EBF3: variants seen among roughly 807,000 people sequenced by gnomAD.
EBF3 encodes EBF transcription factor 3.
In EBF3, 18 loss-of-function variants were observed where a neutral mutation model predicts 77.1. The observed-to-expected ratio is 0.23, with a 90% CI of 0.16 to 0.35. The LOEUF is 0.35. Ranked by LOEUF, EBF3 falls within the 10% of genes least tolerant of loss-of-function variation. EBF3 has a pLI of 1.00. For missense variants in EBF3, 558 were observed against 860.0 expected, an observed-to-expected ratio of 0.65 and a Z score of 4.39; for synonymous variants, 350 against 343.5, an observed-to-expected ratio of 1.02 and a Z score of -0.21.
chr10:129,906,156 G>A (rs1855129709), intron 6 of EBF3, among the ~76,000 whole-genome samples: 2 of 152,236 alleles, frequency 1.3e-5, no homozygotes, highest in African/African-American at 2.4e-5. Context: ...TCGATAGGGA[G>A]TGACAGTTGA....
At chr10:129,886,430 T>C (rs1853589920) in intron 6 of EBF3, among the ~76,000 whole-genome samples, 1 of 152,186 alleles carries the variant, frequency 6.6e-6, no homozygotes, top group African/African-American at 2.4e-5. Flanking sequence ...AAGAGAAATG[T>C]GTGTACAGGT....
chr10:129,836,799 A>G lies in EBF3; in HGVS notation c.*1144T>C, dbSNP rs1384784827. On this transcript the variant is annotated 3_prime_UTR_variant, in exon 17 of 17. Transcript: ENST00000440978. ...GAAAAAGGAAAAGGTGGGAAAAGCA[A>G]TGTACAAAATTTCAAAGATAAATAC... 2.6e-5 allele frequency: 4 copies of G among 152,654 alleles called. No individual in the cohort carries two copies. The highest frequency in any genetic ancestry group is 7.2e-5 in the African/African-American group (3 of 41,466). The allele number at this position is 152,654 out of a possible 1,614,324, so 9.5% of individuals were successfully genotyped here.
chr10:129,878,963 C>T lies in EBF3; in HGVS notation c.555-1114G>A, dbSNP rs146261680. Reference sequence around the variant, plus strand: ...CTCTGCAGGGCTGGGGAGGTGAGGCCGAAGCGAGTGCTATTTCCATTTCCC... The same window carrying T: ...CTCTGCAGGGCTGGGGAGGTGAGGCTGAAGCGAGTGCTATTTCCATTTCCC... On this transcript the variant is annotated intron_variant, in intron 6 of 16. Transcript: ENST00000440978. Among the ~76,000 whole-genome samples, 6 of 152,166 alleles carry T rather than the reference C, an allele frequency of 3.9e-5. No homozygotes were observed. In the East Asian group the frequency reaches 7.7e-4, roughly 20 times the overall value.
At chr10:129,956,562 G>A (rs1859052870) in intron 6 of EBF3, among the ~76,000 whole-genome samples, 1 of 152,184 alleles carries the variant, frequency 6.6e-6, no homozygotes, top group Admixed American at 6.5e-5. Context: ...CACCATTAGG[G>A]CTACTGATTG....
chr10:129,843,322 G>A (rs1331723095), intron 11 of EBF3, 120 bp from the exon 12 acceptor site: 1 of 1,045,242 alleles, frequency 9.6e-7, no homozygotes, highest in Non-Finnish European at 1.4e-6. Flanking sequence ...GACCCGTCCT[G>A]GCCCTGCCGT....
At chr10:129,909,921 A>G (rs1281588605) in intron 6 of EBF3, among the ~76,000 whole-genome samples, 1 of 152,260 alleles carries the variant, frequency 6.6e-6, no homozygotes, top group Non-Finnish European at 1.5e-5. Context: ...AGAAATCAAT[A>G]CGCCTCACAA....
chr10:129,853,081 G>A (rs1175505422), intron 10 of EBF3, among the ~76,000 whole-genome samples: 2 of 152,206 alleles, frequency 1.3e-5, no homozygotes, highest in Non-Finnish European at 2.9e-5. Context: ...CCCCTGCCCG[G>A]GAGAGCTGGA....
intron 6 of EBF3, among the ~76,000 whole-genome samples, chr10:129,922,133 T>C (rs1856356296): frequency 6.6e-6 from 1 of 152,224 alleles, no homozygotes. Flanking sequence ...ATTCCCCTGC[T>C]GTAGACATAA....
At chr10:129,919,873 C>T (rs1052791085) in intron 6 of EBF3, among the ~76,000 whole-genome samples, 7 of 152,154 alleles carry the variant, frequency 4.6e-5, no homozygotes, top group African/African-American at 1.4e-4. Context: ...TGCCCAGTGC[C>T]GGGCACCTGT....
rs181573790 is a variant in EBF3 at position 129,875,229 on chromosome 10, C to T, written c.637-1633G>A. Reference sequence around the variant, plus strand: ...TTTTTTTTTTTGAGATGGAGTCTCGCTCTGTTGCCCAGGCTGGAGTGCAGT... The same window carrying T: ...TTTTTTTTTTTGAGATGGAGTCTCGTTCTGTTGCCCAGGCTGGAGTGCAGT... On this transcript the variant is annotated intron_variant, in intron 7 of 16. Coordinates refer to ENST00000440978, the MANE Select transcript of EBF3 (RefSeq NM_001375380.1). Among the ~76,000 whole-genome samples the T allele has an allele frequency of 4.2e-3, 520 of 122,958 alleles. 3 individuals are homozygous for T. The highest frequency in any genetic ancestry group is 0.016 in the African/African-American group (498 of 30,960). 80.7% of individuals were successfully genotyped at this position (122,958 alleles called of 152,430 possible).
At chr10:129,866,085 A>G (rs1306944116) in intron 10 of EBF3, among the ~76,000 whole-genome samples, 1 of 152,202 alleles carries the variant, frequency 6.6e-6, no homozygotes, top group Admixed American at 6.5e-5. Flanking sequence ...GGAGTTGGCT[A>G]AGATTAGAAA....
intron 6 of EBF3, among the ~76,000 whole-genome samples, chr10:129,933,499 T>C (rs1022327379): frequency 5.3e-5 from 8 of 152,168 alleles, no homozygotes; most frequent in Non-Finnish European, 1.2e-4. Context: ...AGAGCTAAAG[T>C]GATTCCTTGA....
At chr10:129,859,290 C>T (rs562396431) in intron 10 of EBF3, among the ~76,000 whole-genome samples, 2 of 152,258 alleles carry the variant, frequency 1.3e-5, no homozygotes, top group African/African-American at 2.4e-5. Flanking sequence ...GGCACAATCT[C>T]GGCTCACTGC....
chr10:129,849,402 C>T (rs1475351340), intron 10 of EBF3, among the ~76,000 whole-genome samples: 1 of 152,198 alleles, frequency 6.6e-6, no homozygotes, highest in Non-Finnish European at 1.5e-5. Flanking sequence ...CTAATAAGAC[C>T]TGCCACCATC....
chr10:129,953,977 G>A (rs535781134), intron 6 of EBF3, among the ~76,000 whole-genome samples: 23 of 152,330 alleles, frequency 1.5e-4, no homozygotes, highest in Admixed American at 1.2e-3. Context: ...TGGACAATGG[G>A]TGTTCCTAAT....
chr10:129,848,662 G>T lies in EBF3; in HGVS notation c.1040-182C>A, dbSNP rs1455051870. Among the ~76,000 whole-genome samples, 1 of 152,126 alleles carries T rather than the reference G, an allele frequency of 6.6e-6. No homozygotes were observed. Among genetic ancestry groups the T allele is most frequent in the Non-Finnish European group, 1.5e-5 (1 of 68,030 alleles). ...TTCCCCCTTTCTTTTGCACATAAAA[G>T]CAACGATTATTTCTGATCTATAATT... On this transcript the variant is annotated intron_variant, in intron 10 of 16. Coordinates refer to ENST00000440978, the MANE Select transcript of EBF3 (RefSeq NM_001375380.1). The surrounding 1 kb of genome is among the most constrained non-coding windows in gnomAD (Gnocchi z 4.4).
chr10:129,961,405 C>A (rs1357367262), intron 4 of EBF3, among the ~76,000 whole-genome samples: 1 of 152,208 alleles, frequency 6.6e-6, no homozygotes, highest in Non-Finnish European at 1.5e-5. Context: ...AAACCAGCAG[C>A]CAGAGACTGC....
rs1425145668 is a variant in EBF3 at position 129,870,478 on chromosome 10, C to G, written c.782-2566G>C. On this transcript the variant is annotated intron_variant, in intron 8 of 16. Coordinates refer to ENST00000440978, the MANE Select transcript of EBF3 (RefSeq NM_001375380.1). This position sits in a 1 kb window ranked among gnomAD's most constrained non-coding sequence, Gnocchi z 4.4. Reference sequence around the variant, plus strand: ...AAGACAGATCCTGGTCTGCAGCTTTCAGCGTGGCCCACCCTCCTGGGGCCC... The same window carrying G: ...AAGACAGATCCTGGTCTGCAGCTTTGAGCGTGGCCCACCCTCCTGGGGCCC... 6.6e-6 allele frequency among the ~76,000 whole-genome samples: 1 copy of G among 152,052 alleles called. No individual in the cohort carries two copies. The highest frequency in any genetic ancestry group is 1.5e-5 in the Non-Finnish European group (1 of 67,998).
In EBF3 at chr10:129,964,100, G is replaced by A. The variant is rs1859749910; in HGVS notation, c.-332C>T. ...TCCTAGCCAGGCGGCGTCCGCGGCT[G>A]CAGGACACTGCGGGATCGCCCGCTT... On this transcript the variant is annotated 5_prime_UTR_variant, in exon 1 of 17. Transcript: ENST00000440978. The surrounding 1 kb of genome is among the most constrained non-coding windows in gnomAD (Gnocchi z 4.5). 1 of 985,004 alleles carries A rather than the reference G, an allele frequency of 1.0e-6. No individual in the cohort carries two copies. Among genetic ancestry groups the A allele is most frequent in the African/African-American group, 1.7e-5 (1 of 57,206 alleles). The allele number at this position is 985,004 out of a possible 1,614,324, so 61.0% of individuals were successfully genotyped here.
Sources: gnomAD v4.1 joint callset for allele counts (sites outside exome capture counted in the v4.1 genomes callset) on GRCh38, gnomAD v4.1.1 for gene constraint, Gnocchi (gnomAD v3.1) non-coding constraint, MANE v1.5 for transcripts, NCBI Gene and HGNC (gene_info 2026-07-23, HGNC 2026-07-21) for gene names.